Variants in CSMD1 observed in about 807,000 individuals in gnomAD.
CSMD1 encodes CUB and Sushi multiple domains 1.
In CSMD1, 213 loss-of-function variants were observed where a neutral mutation model predicts 417.5. That is an observed-to-expected ratio of 0.51 (90% CI 0.46 to 0.57). The LOEUF (loss-of-function observed/expected upper bound fraction) is 0.57. CSMD1 is among the 20% of genes least tolerant of loss of function. The pLI is 0.00. For synonymous variants in CSMD1, 2,862 were observed against 1,736.8 expected (o/e 1.65, Z -16.11); for missense variants, 6,923 against 4,529.7 (o/e 1.53, Z -15.17).
chr8:3,385,651 T>C lies in CSMD1; in HGVS notation c.2782+1843A>G, dbSNP rs185637604. ...TGTTTTCTGTAGGCAAATTCACTTA[T>C]ATGACGGTTCTCTGTATATTTATGA... On this transcript the variant is annotated intron_variant, in intron 18 of 69. Coordinates refer to ENST00000635120, the MANE Select transcript of CSMD1 (RefSeq NM_033225.6). Among the ~76,000 whole-genome samples, 78 of 152,326 alleles carry C rather than the reference T, an allele frequency of 5.1e-4. 1 individual carries two copies. The East Asian group carries it at 0.014, about 27-fold the overall frequency.
intron 23 of CSMD1, among the ~76,000 whole-genome samples, chr8:3,337,262 A>T (rs1186341020): frequency 8.5e-5 from 13 of 152,196 alleles, no homozygotes; most frequent in Admixed American, 8.5e-4. Context: ...TTTGATAAAC[A>T]TACCAATTTG....
chr8:3,994,261 T>C (rs1055228153), intron 5 of CSMD1, among the ~76,000 whole-genome samples: 4 of 152,050 alleles, frequency 2.6e-5, no homozygotes, highest in Non-Finnish European at 5.9e-5. Flanking sequence ...GTTATATAAG[T>C]TCATATTTTA....
rs376288093 is a variant in CSMD1, at chr8:3,573,089, A to G, written c.1344+1856T>C. On this transcript the variant is annotated intron_variant, in intron 10 of 69. Transcript: ENST00000635120. ...TTAGTAAATAGTTAACAAATTGTTA[A>G]TAAGTGTTTTTTTCTATTTATCTTA... 4.0e-3 allele frequency among the ~76,000 whole-genome samples: 602 copies of G among 152,338 alleles called. 4 individuals are homozygous for G. The highest frequency in any genetic ancestry group is 0.014 in the African/African-American group (570 of 41,576).
intron 7 of CSMD1, among the ~76,000 whole-genome samples, chr8:3,672,319 C>A (rs1451077697): frequency 6.6e-6 from 1 of 151,192 alleles, no homozygotes; most frequent in Middle Eastern, 3.4e-3. Flanking sequence ...AAGGTTCTCC[C>A]AATGGCTTCT....
chr8:3,712,430 C>T lies in CSMD1; in HGVS notation c.932-3939G>A, dbSNP rs62476974. ...ACAGACAGACAGACAGACAGACAGACAGACAGACAGACAGAGAGAGAGAGA... is the reference window on the plus strand; with the variant it reads ...ACAGACAGACAGACAGACAGACAGATAGACAGACAGACAGAGAGAGAGAGA... On this transcript the variant is annotated intron_variant, in intron 6 of 69. Transcript: ENST00000635120. 3.4e-3 allele frequency among the ~76,000 whole-genome samples: 423 copies of T among 125,804 alleles called. 3 individuals are homozygous for T. Among genetic ancestry groups the T allele is most frequent in the Middle Eastern group, 0.025 (6 of 240 alleles). The allele number at this position is 125,804 out of a possible 152,430, so 82.5% of individuals were successfully genotyped here. A position where few individuals can be genotyped will look rare whatever the true frequency, so the allele number is the denominator to read the frequency against.
At chr8:4,981,588 A>G (rs1475542179) in intron 1 of CSMD1, among the ~76,000 whole-genome samples, 4 of 152,218 alleles carry the variant, frequency 2.6e-5, no homozygotes, top group African/African-American at 4.8e-5. Flanking sequence ...TGTTCTTCCT[A>G]TAAAATACCT....
At chr8:4,469,573 T>C (rs368379280) in intron 2 of CSMD1, among the ~76,000 whole-genome samples, 1 of 152,168 alleles carries the variant, frequency 6.6e-6, no homozygotes, top group Non-Finnish European at 1.5e-5. Flanking sequence ...TTCAGTAGCT[T>C]GTGCAAACAC....
intron 3 of CSMD1, among the ~76,000 whole-genome samples, chr8:4,362,205 C>G (rs940620758): frequency 1.3e-5 from 2 of 152,052 alleles, no homozygotes; most frequent in African/African-American, 4.8e-5. Context: ...CTGTATTTTC[C>G]AAAGGATCCT....
intron 3 of CSMD1, among the ~76,000 whole-genome samples, chr8:4,349,821 T>C (rs1487310872): frequency 1.2e-5 from 1 of 82,032 alleles, no homozygotes; most frequent in Admixed American, 1.0e-4. Flanking sequence ...TGATATGACC[T>C]TTTTTTTTTT....
chr8:4,283,933 A>T (rs1796922957), intron 3 of CSMD1, among the ~76,000 whole-genome samples: 1 of 152,158 alleles, frequency 6.6e-6, no homozygotes, highest in South Asian at 2.1e-4. Flanking sequence ...TGGACACACC[A>T]TTATTAACAA....
intron 50 of CSMD1, among the ~76,000 whole-genome samples, chr8:3,033,555 C>A (rs967544882): frequency 6.6e-6 from 1 of 151,936 alleles, no homozygotes; most frequent in African/African-American, 2.4e-5. Flanking sequence ...ACAACGAGAA[C>A]ACATGGACAC....
At chr8:3,092,922 A>G (rs1815047568) in intron 47 of CSMD1, among the ~76,000 whole-genome samples, 1 of 152,188 alleles carries the variant, frequency 6.6e-6, no homozygotes, top group Non-Finnish European at 1.5e-5. Flanking sequence ...CATAATACAA[A>G]TGCTATGAAG....
chr8:3,645,821 T>G (rs1797545763), intron 7 of CSMD1, among the ~76,000 whole-genome samples: 1 of 152,224 alleles, frequency 6.6e-6, no homozygotes, highest in South Asian at 2.1e-4. Context: ...CAAATGACAC[T>G]GGGCTACAAG....
intron 1 of CSMD1, among the ~76,000 whole-genome samples, chr8:4,693,945 C>T (rs1344669450): frequency 6.6e-6 from 1 of 152,130 alleles, no homozygotes; most frequent in Non-Finnish European, 1.5e-5. Flanking sequence ...CTTTATTGTC[C>T]ATGTCATCAC....
intron 3 of CSMD1, among the ~76,000 whole-genome samples, chr8:4,071,738 G>A (rs372701544): frequency 6.6e-6 from 1 of 152,106 alleles, no homozygotes; most frequent in Non-Finnish European, 1.5e-5. Context: ...AAAAGTTGAT[G>A]AATATATTTA....
chr8:4,222,286 G>C (rs1258405969), intron 3 of CSMD1, among the ~76,000 whole-genome samples: 1 of 152,028 alleles, frequency 6.6e-6, no homozygotes, highest in Non-Finnish European at 1.5e-5. Context: ...CCCAGGTATT[G>C]CTTTTAATTT....
chr8:4,983,398 G>T (rs1811003300), intron 1 of CSMD1, among the ~76,000 whole-genome samples: 1 of 152,334 alleles, frequency 6.6e-6, no homozygotes, highest in Admixed American at 6.5e-5. Flanking sequence ...AAGAAACAGT[G>T]AATGTGTAAG....
intron 8 of CSMD1, among the ~76,000 whole-genome samples, chr8:3,604,595 T>C (rs975475728): frequency 1.3e-5 from 2 of 151,938 alleles, no homozygotes; most frequent in African/African-American, 4.8e-5. Context: ...ATAAAGTATA[T>C]AAATGATGAC....
At chr8:4,904,765 T>C (rs549672874) in intron 1 of CSMD1, among the ~76,000 whole-genome samples, 226 of 152,248 alleles carry the variant, frequency 1.5e-3, no homozygotes, top group Non-Finnish European at 2.8e-3. Flanking sequence ...ACCTTTAATA[T>C]GTAAAAACTT....
Sources: allele counts gnomAD v4.1 joint callset (sites outside exome capture counted in the v4.1 genomes callset), GRCh38; gene constraint gnomAD v4.1.1; transcripts MANE v1.5; gene names NCBI Gene and HGNC (gene_info 2026-07-23, HGNC 2026-07-21).